Variants in HPSE2 observed in about 807,000 individuals in gnomAD.
The protein encoded by HPSE2 is inactive heparanase-2.
Under a neutral mutation model 60.5 loss-of-function variants are expected in HPSE2, and 38 were observed. The observed-to-expected ratio is 0.63, with a 90% confidence interval of 0.48 to 0.82. The LOEUF (loss-of-function observed/expected upper bound fraction) is 0.82, where lower values mean the gene tolerates loss of function less well. Ranked by LOEUF, HPSE2 falls within the 40% of genes least tolerant of loss-of-function variation. The pLI is 0.00. For missense variants in HPSE2, 713 were observed against 740.4 expected (o/e 0.96, Z 0.43); for synonymous variants, 295 against 293.2 (o/e 1.01, Z -0.06).
At chr10:98,723,805 G>A (rs1948992516) in intron 4 of HPSE2, among the ~76,000 whole-genome samples, 1 of 152,122 alleles carries the variant, frequency 6.6e-6, no homozygotes, top group Non-Finnish European at 1.5e-5. Flanking sequence ...GGGATCGGTG[G>A]TGATATCCCC....
chr10:99,314,158 A>G, the HPSE2 span, among the ~76,000 whole-genome samples: 1 of 152,090 alleles, frequency 6.6e-6, no homozygotes, highest in African/African-American at 2.4e-5. Flanking sequence ...TTTCAGCAAT[A>G]AAGTTTTTGG....
intron 3 of HPSE2, among the ~76,000 whole-genome samples, chr10:99,049,091 C>T (rs538174831): frequency 4.7e-4 from 72 of 152,162 alleles, no homozygotes; most frequent in Non-Finnish European, 2.6e-4. Flanking sequence ...GAGGGAAGAA[C>T]GGAGAAGGGC....
At position 98,575,502 on chromosome 10, in the gene HPSE2, T is replaced by C. The variant is rs760154969; in HGVS notation, c.1320+39402A>G. Among the ~76,000 whole-genome samples the C allele has an allele frequency of 7.2e-4, 110 of 152,360 alleles. 1 individual carries two copies. Among genetic ancestry groups the C allele is most frequent in the African/African-American group, 2.6e-3 (108 of 41,586 alleles). ...GTAGCAACAGTCATAGTAATAGTGATAACATAGTTAATATTTATTAAGTGC... is the reference window on the plus strand; with the variant it reads ...GTAGCAACAGTCATAGTAATAGTGACAACATAGTTAATATTTATTAAGTGC... On this transcript the variant is annotated intron_variant, in intron 9 of 11. Coordinates refer to ENST00000370552, the MANE Select transcript of HPSE2 (RefSeq NM_021828.5).
At chr10:98,755,463 G>C (rs1333234776) in intron 3 of HPSE2, among the ~76,000 whole-genome samples, 1 of 151,976 alleles carries the variant, frequency 6.6e-6, no homozygotes, top group African/African-American at 2.4e-5. Context: ...AGATCATCGA[G>C]GCAGAAAACT....
intron 3 of HPSE2, among the ~76,000 whole-genome samples, chr10:99,036,950 C>A (rs1957622654): frequency 6.6e-6 from 1 of 152,066 alleles, no homozygotes; most frequent in Non-Finnish European, 1.5e-5. Flanking sequence ...GAGAAAAAAC[C>A]TGGCAAACAC....
chr10:99,023,805 C>A (rs1038140908), intron 3 of HPSE2, among the ~76,000 whole-genome samples: 3 of 152,230 alleles, frequency 2.0e-5, no homozygotes, highest in Non-Finnish European at 2.9e-5. Flanking sequence ...CCCCCAAAAG[C>A]AGATACAGCT....
At chr10:98,915,273 G>A (rs373918200) in intron 3 of HPSE2, among the ~76,000 whole-genome samples, 1 of 150,868 alleles carries the variant, frequency 6.6e-6, no homozygotes, top group Non-Finnish European at 1.5e-5. Context: ...TCAGCGTCCC[G>A]AGTAGCTAAG....
intron 3 of HPSE2, among the ~76,000 whole-genome samples, chr10:99,060,710 C>T (rs1031455527): frequency 1.7e-5 from 2 of 120,198 alleles, no homozygotes; most frequent in African/African-American, 6.4e-5. Flanking sequence ...TGTCCATCAA[C>T]AGACTAATGG....
chr10:98,735,835 C>A (rs1949343443), intron 4 of HPSE2, among the ~76,000 whole-genome samples: 1 of 152,168 alleles, frequency 6.6e-6, no homozygotes, highest in African/African-American at 2.4e-5. Context: ...TAGGAAGTAA[C>A]TAACTTGCTT....
At chr10:99,135,875 G>A (rs1845628083) in intron 3 of HPSE2, among the ~76,000 whole-genome samples, 1 of 152,052 alleles carries the variant, frequency 6.6e-6, no homozygotes, top group South Asian at 2.1e-4. Flanking sequence ...GGGAAGACAA[G>A]TAATAACCAA....
intron 2 of HPSE2, among the ~76,000 whole-genome samples, chr10:99,205,969 C>T (rs1371023087): frequency 6.6e-6 from 1 of 152,192 alleles, no homozygotes; most frequent in African/African-American, 2.4e-5. Flanking sequence ...CAAACCTTGA[C>T]TAACATCATG....
At chr10:99,308,091 A>G in the HPSE2 span, among the ~76,000 whole-genome samples, 1 of 152,094 alleles carries the variant, frequency 6.6e-6, no homozygotes, top group African/African-American at 2.4e-5. Context: ...AAATAGCAAG[A>G]AAATGGAAAC....
intron 2 of HPSE2, among the ~76,000 whole-genome samples, chr10:99,226,257 T>C (rs1849470105): frequency 6.6e-6 from 1 of 152,012 alleles, no homozygotes; most frequent in Admixed American, 6.6e-5. Context: ...TCACCAGCAT[T>C]CAACTCTACT....
chr10:98,992,404 C>T (rs1956546228), intron 3 of HPSE2, among the ~76,000 whole-genome samples: 1 of 151,828 alleles, frequency 6.6e-6, no homozygotes, highest in Admixed American at 6.6e-5. Flanking sequence ...TAATTTTTTC[C>T]AGAACACAGG....
chr10:99,073,169 G>T (rs11189956), intron 3 of HPSE2, among the ~76,000 whole-genome samples: 122,022 of 152,040 alleles, frequency 0.8, 51,174 homozygotes, highest in South Asian at 0.94. Context: ...CAAAGATGAA[G>T]GCACGTGTAT....
At chr10:98,905,099 A>G (rs1249549455) in intron 3 of HPSE2, among the ~76,000 whole-genome samples, 1 of 152,164 alleles carries the variant, frequency 6.6e-6, no homozygotes, top group East Asian at 1.9e-4. Flanking sequence ...CATCACATAT[A>G]TGGGCTAAAT....
chr10:98,955,370 G>A (rs1410447872), intron 3 of HPSE2, among the ~76,000 whole-genome samples: 2 of 152,020 alleles, frequency 1.3e-5, no homozygotes, highest in Non-Finnish European at 2.9e-5. Flanking sequence ...CTCAAAATCA[G>A]TGATCATTAG....
intron 2 of HPSE2, among the ~76,000 whole-genome samples, chr10:99,163,434 C>T (rs1846929092): frequency 6.6e-6 from 1 of 152,108 alleles, no homozygotes; most frequent in Non-Finnish European, 1.5e-5. Context: ...CTTTCCACCT[C>T]CTCAGAAAGA....
chr10:99,021,822 CAAAA>C (rs35445914), intron 3 of HPSE2, among the ~76,000 whole-genome samples: 9 of 141,922 alleles, frequency 6.3e-5, no homozygotes, highest in Non-Finnish European at 7.5e-5. Flanking sequence ...CTATCTACAC[CAAAA>C]AAAAAAAAAA....
Sources: allele counts gnomAD v4.1 joint callset (sites outside exome capture counted in the v4.1 genomes callset), GRCh38; gene constraint gnomAD v4.1.1; transcripts MANE v1.5; gene names NCBI Gene and HGNC (gene_info 2026-07-23, HGNC 2026-07-21).